Variants in GFRA1 observed in about 807,000 individuals in gnomAD.
The protein encoded by GFRA1 is GDNF family receptor alpha-1.
GFRA1 carries 16 observed loss-of-function variants against 51.6 expected under a neutral mutation model. The ratio of observed to expected loss-of-function variants is 0.31; its 90% CI spans 0.21 to 0.47. The LOEUF is 0.47. Among genes scored for constraint, GFRA1 ranks in the 20% least tolerant of loss-of-function variants. The probability of loss-of-function intolerance (pLI) is 1.00; values close to 1 mark genes in which losing one functional copy is unlikely to be tolerated. For missense variants in GFRA1, 530 were observed against 594.3 expected (o/e 0.89, Z 1.13); for synonymous variants, 270 against 241.3 (o/e 1.12, Z -1.10).
chr10:116,101,054 G>A (rs114155990), intron 6 of GFRA1, among the ~76,000 whole-genome samples: 49 of 152,300 alleles, frequency 3.2e-4, no homozygotes, highest in African/African-American at 1.1e-3. Context: ...CTGACATGTT[G>A]TTAGAGCTCT....
chr10:116,177,072 A>G (rs1005275228), intron 5 of GFRA1, among the ~76,000 whole-genome samples: 1 of 152,152 alleles, frequency 6.6e-6, no homozygotes, highest in African/African-American at 2.4e-5. Context: ...GTAAAAAGTC[A>G]AGTGTGTCTA....
intron 5 of GFRA1, among the ~76,000 whole-genome samples, chr10:116,196,256 G>A (rs963920027): frequency 6.6e-6 from 1 of 151,042 alleles, no homozygotes; most frequent in Non-Finnish European, 1.5e-5. Context: ...TTGGGAGGCT[G>A]AGGTGAGTGG....
At chr10:116,128,424 A>T (rs1394242711) in intron 5 of GFRA1, among the ~76,000 whole-genome samples, 2 of 151,408 alleles carry the variant, frequency 1.3e-5, no homozygotes, top group Admixed American at 1.3e-4. Context: ...ACACAGGCTT[A>T]AAAAAAAATT....
At chr10:116,144,327 C>G (rs1464676823) in intron 5 of GFRA1, among the ~76,000 whole-genome samples, 1 of 152,046 alleles carries the variant, frequency 6.6e-6, no homozygotes, top group Admixed American at 6.6e-5. Context: ...ATAGTGTTTA[C>G]TAACATGCCA....
chr10:116,127,542 A>G (rs775106732), intron 5 of GFRA1, among the ~76,000 whole-genome samples: 2 of 152,226 alleles, frequency 1.3e-5, no homozygotes, highest in Non-Finnish European at 2.9e-5. Flanking sequence ...GGTGTGGAGT[A>G]CAGGAAGTTG....
chr10:116,271,182 G>A, intron 2 of GFRA1, 67 bp from the exon 3 acceptor site: 2 of 1,400,842 alleles, frequency 1.4e-6, no homozygotes, highest in Non-Finnish European at 1.9e-6. Context: ...TGCTCCGGGC[G>A]AGGGCGCGCG....
In GFRA1 at chr10:116,122,377, C is replaced by G. The variant is rs1196747713; in HGVS notation, c.770+2844G>C. On this transcript the variant is annotated intron_variant, in intron 6 of 10. Coordinates refer to ENST00000355422, the MANE Select transcript of GFRA1 (RefSeq NM_005264.8). ...CAAGGGCTGTCTGCTTCCTGTTGTA[C>G]ATTTCTGTGCCGTCAGCTGAGTCCA... 2.6e-5 allele frequency among the ~76,000 whole-genome samples: 4 copies of G among 152,144 alleles called. No individual in the cohort carries two copies. The East Asian group carries it at 7.7e-4, about 29-fold the overall frequency.
chr10:116,101,844 A>G (rs1456413351), intron 6 of GFRA1, among the ~76,000 whole-genome samples: 2 of 152,144 alleles, frequency 1.3e-5, no homozygotes, highest in Middle Eastern at 3.2e-3. Context: ...TCATGAACCA[A>G]AGTTCCTGAG....
At chr10:116,211,713 A>AT in intron 4 of GFRA1, 68 bp from the exon 5 acceptor site, 1 of 1,262,184 alleles carries the variant, frequency 7.9e-7, no homozygotes, top group South Asian at 1.3e-5. Flanking sequence ...TATTAATAAT[A>AT]ATGTTGAAAA....
chr10:116,198,766 G>A (rs1964098978), intron 5 of GFRA1, among the ~76,000 whole-genome samples: 1 of 152,172 alleles, frequency 6.6e-6, no homozygotes, highest in Middle Eastern at 3.2e-3. Context: ...GGCCACCCAG[G>A]TTGGCTGGTC....
intron 9 of GFRA1, among the ~76,000 whole-genome samples, chr10:116,075,890 G>T (rs1422096774): frequency 6.6e-6 from 1 of 152,046 alleles, no homozygotes; most frequent in African/African-American, 2.4e-5. Context: ...GACTACAGGT[G>T]CCCACCACTG....
intron 4 of GFRA1, among the ~76,000 whole-genome samples, chr10:116,213,519 A>G (rs1220995578): frequency 6.6e-6 from 1 of 152,196 alleles, no homozygotes; most frequent in African/African-American, 2.4e-5. Context: ...GCATTTCTGT[A>G]TTAATTTTTA....
chr10:116,177,457 G>A (rs561354275), intron 5 of GFRA1, among the ~76,000 whole-genome samples: 3 of 152,198 alleles, frequency 2.0e-5, no homozygotes, highest in African/African-American at 7.2e-5. Context: ...GGTTAGGGGT[G>A]CTCATGAGCT....
chr10:116,127,570 C>G (rs2134033682), intron 5 of GFRA1, among the ~76,000 whole-genome samples: 1 of 152,276 alleles, frequency 6.6e-6, no homozygotes, highest in Non-Finnish European at 1.5e-5. Flanking sequence ...CACATCCATC[C>G]CGGCTTTAAC....
intron 6 of GFRA1, among the ~76,000 whole-genome samples, chr10:116,099,982 A>G (rs12775932): frequency 1.8e-4 from 28 of 152,206 alleles, no homozygotes; most frequent in Non-Finnish European, 3.5e-4. Context: ...AGGTTAGACT[A>G]GAATAAAAGA....
chr10:116,061,929 G>T lies in GFRA1; in HGVS notation c.*2469C>A. On this transcript the variant is annotated 3_prime_UTR_variant, in exon 11 of 11. Coordinates refer to ENST00000355422, the MANE Select transcript of GFRA1 (RefSeq NM_005264.8). ...AGAATCTCTCTAACGTGTTGTCCCT[G>T]AACAAGATGCTTCCCCCTATTTATT... 2.5e-6 allele frequency: 1 copy of T among 398,394 alleles called. No homozygotes were observed. Among genetic ancestry groups the T allele is most frequent in the South Asian group, 1.3e-4 (1 of 7,772 alleles). 24.7% of individuals were successfully genotyped at this position (398,394 alleles called of 1,614,324 possible).
At chr10:116,178,204 G>C (rs1348636796) in intron 5 of GFRA1, among the ~76,000 whole-genome samples, 1 of 151,326 alleles carries the variant, frequency 6.6e-6, no homozygotes, top group East Asian at 2.0e-4. Flanking sequence ...TTCAAATAAA[G>C]CTGAATTAGG....
chr10:116,267,724 A>G (rs1419876), intron 4 of GFRA1, among the ~76,000 whole-genome samples: 28,016 of 152,002 alleles, frequency 0.18, 3,835 homozygotes, highest in African/African-American at 0.38. Context: ...CCCAGTTTCT[A>G]CAGATCCGCT....
At chr10:116,268,591 A>G (rs1969853095) in intron 4 of GFRA1, among the ~76,000 whole-genome samples, 1 of 148,970 alleles carries the variant, frequency 6.7e-6, no homozygotes. Context: ...AAAAAAACAC[A>G]AAACATTTAG....
Sources: gnomAD v4.1 joint callset for allele counts (sites outside exome capture counted in the v4.1 genomes callset) on GRCh38, gnomAD v4.1.1 for gene constraint, MANE v1.5 for transcripts, NCBI Gene and HGNC (gene_info 2026-07-23, HGNC 2026-07-21) for gene names.